CNTNAP2: variants seen among roughly 807,000 people sequenced by gnomAD.
CNTNAP2 encodes the protein contactin associated protein 2.
CNTNAP2 carries 98 observed loss-of-function variants against 155.2 expected under a neutral mutation model. The observed-to-expected ratio is 0.63, with a 90% confidence interval of 0.54 to 0.75. The LOEUF (loss-of-function observed/expected upper bound fraction) is 0.75, where lower values mean the gene tolerates loss of function less well. Ranked by LOEUF, CNTNAP2 falls within the 30% of genes least tolerant of loss-of-function variation. CNTNAP2 has a pLI of 0.00. For synonymous variants in CNTNAP2, 651 were observed against 631.2 expected (o/e 1.03, Z -0.47); for missense variants, 1,727 against 1,688.1 (o/e 1.02, Z -0.40).
intron 1 of CNTNAP2, among the ~76,000 whole-genome samples, chr7:146,353,996 C>A (rs1053646892): frequency 4.6e-5 from 7 of 152,110 alleles, no homozygotes; most frequent in African/African-American, 1.7e-4. Flanking sequence ...GCTAAGTCAC[C>A]ATAGGCCCTT....
chr7:146,776,565 A>AG (rs1288552347), intron 2 of CNTNAP2, among the ~76,000 whole-genome samples: 7 of 152,196 alleles, frequency 4.6e-5, no homozygotes, highest in Non-Finnish European at 7.3e-5. Context: ...AGGCACAGAA[A>AG]TGTAAAAGTG....
chr7:146,669,482 A>G (rs1421993303), intron 1 of CNTNAP2, among the ~76,000 whole-genome samples: 4 of 152,202 alleles, frequency 2.6e-5, no homozygotes, highest in African/African-American at 9.6e-5. Context: ...AATTGCGTGT[A>G]ACCAATCTCA....
At chr7:146,587,979 A>G (rs1229050316) in intron 1 of CNTNAP2, among the ~76,000 whole-genome samples, 1 of 148,304 alleles carries the variant, frequency 6.7e-6, no homozygotes, top group Non-Finnish European at 1.5e-5. Flanking sequence ...CGGCCTGATG[A>G]TTAATTTTCA....
chr7:147,756,614 T>C (rs566828277), intron 13 of CNTNAP2, among the ~76,000 whole-genome samples: 5 of 152,274 alleles, frequency 3.3e-5, no homozygotes, highest in Admixed American at 2.6e-4. Flanking sequence ...ATTTAAAAAG[T>C]AATCCTGAAG....
chr7:147,911,527 T>C (rs1194812401), intron 14 of CNTNAP2, among the ~76,000 whole-genome samples: 1 of 152,198 alleles, frequency 6.6e-6, no homozygotes, highest in African/African-American at 2.4e-5. Context: ...GAAGCAGAAG[T>C]TGCAGCTGCA....
At chr7:146,558,019 C>A (rs1271947663) in intron 1 of CNTNAP2, among the ~76,000 whole-genome samples, 1 of 152,064 alleles carries the variant, frequency 6.6e-6, no homozygotes, top group African/African-American at 2.4e-5. Context: ...AAGTCTCAAC[C>A]TTTGTGTTTT....
chr7:148,139,696 T>G (rs1805022673), intron 16 of CNTNAP2, among the ~76,000 whole-genome samples: 1 of 152,170 alleles, frequency 6.6e-6, no homozygotes, highest in African/African-American at 2.4e-5. Flanking sequence ...CCCTCTATCA[T>G]GCCCAGCTAA....
At chr7:147,236,745 C>G (rs558158335) in intron 8 of CNTNAP2, among the ~76,000 whole-genome samples, 1 of 152,194 alleles carries the variant, frequency 6.6e-6, no homozygotes, top group South Asian at 2.1e-4. Context: ...TAGCAGAAAC[C>G]TGGGACTCAC....
At chr7:146,623,045 T>C (rs1046020640) in intron 1 of CNTNAP2, among the ~76,000 whole-genome samples, 4 of 152,036 alleles carry the variant, frequency 2.6e-5, no homozygotes, top group Non-Finnish European at 5.9e-5. Flanking sequence ...ATTCTTGTTA[T>C]CATGTATGGG....
intron 11 of CNTNAP2, among the ~76,000 whole-genome samples, chr7:147,546,682 G>A (rs1799741405): frequency 6.6e-6 from 1 of 152,198 alleles, no homozygotes; most frequent in South Asian, 2.1e-4. Flanking sequence ...TACAGGGAAA[G>A]GAGAAAAGCC....
intron 13 of CNTNAP2, among the ~76,000 whole-genome samples, chr7:147,806,825 G>C (rs1798098430): frequency 1.3e-5 from 2 of 152,148 alleles, no homozygotes. Context: ...AGAGTAGAAT[G>C]ATGGTTACCA....
chr7:148,093,446 A>C (rs1803893006), intron 15 of CNTNAP2, among the ~76,000 whole-genome samples: 1 of 152,244 alleles, frequency 6.6e-6, no homozygotes, highest in Non-Finnish European at 1.5e-5. Context: ...ATTCTGTTCA[A>C]CATACTTGGA....
At chr7:147,769,414 T>A (rs1398131239) in intron 13 of CNTNAP2, among the ~76,000 whole-genome samples, 1 of 152,168 alleles carries the variant, frequency 6.6e-6, no homozygotes, top group Non-Finnish European at 1.5e-5. Context: ...ATATCATTTT[T>A]CTTCTGTTTG....
At chr7:147,237,487 T>G (rs185405532) in intron 8 of CNTNAP2, among the ~76,000 whole-genome samples, 1 of 152,350 alleles carries the variant, frequency 6.6e-6, no homozygotes, top group Admixed American at 6.5e-5. Context: ...CTAGTTCAAG[T>G]GCTGGCTCCA....
intron 3 of CNTNAP2, among the ~76,000 whole-genome samples, chr7:146,874,306 AAAG>A (rs1393301599): frequency 6.6e-6 from 1 of 152,122 alleles, no homozygotes; most frequent in Admixed American, 6.6e-5. Flanking sequence ...TAGATAAACA[AAAG>A]AAATTAATTC....
rs544956630 is a variant in CNTNAP2, at chr7:146,595,878, G to C, written c.98-178393G>C. Among the ~76,000 whole-genome samples, 4 of 152,110 alleles carry C rather than the reference G, an allele frequency of 2.6e-5. No homozygotes were observed. In the East Asian group the frequency reaches 5.8e-4, roughly 22 times the overall value. ...ATAGTTGATCTTTAGTGTTCTATTT[G>C]ATGTTGAGTTATAGTCACACTTTTT... On this transcript the variant is annotated intron_variant, in intron 1 of 23. Transcript: ENST00000361727.
chr7:147,939,092 G>A (rs1362045393), intron 14 of CNTNAP2, among the ~76,000 whole-genome samples: 1 of 152,120 alleles, frequency 6.6e-6, no homozygotes, highest in Non-Finnish European at 1.5e-5. Context: ...CTAGATGTAT[G>A]TACGATGACT....
chr7:147,734,365 C>T (rs62480754), intron 13 of CNTNAP2, among the ~76,000 whole-genome samples: 2 of 152,226 alleles, frequency 1.3e-5, no homozygotes, highest in Admixed American at 6.5e-5. Context: ...AGGGATGAAG[C>T]CCACTTGATC....
intron 10 of CNTNAP2, among the ~76,000 whole-genome samples, chr7:147,415,803 C>T (rs1641712306): frequency 6.6e-6 from 1 of 152,102 alleles, no homozygotes; most frequent in East Asian, 1.9e-4. Flanking sequence ...TAAACCGGGC[C>T]TTTTTTAATC....
Sources: gnomAD v4.1 joint callset for allele counts (sites outside exome capture counted in the v4.1 genomes callset) on GRCh38, gnomAD v4.1.1 for gene constraint, MANE v1.5 for transcripts, NCBI Gene and HGNC (gene_info 2026-07-23, HGNC 2026-07-21) for gene names.